FANK1: variants seen among roughly 807,000 people sequenced by gnomAD.
FANK1 encodes the protein fibronectin type 3 and ankyrin repeat domains protein 1.
In FANK1, 44 loss-of-function variants were observed where a neutral mutation model predicts 45.3. That is an observed-to-expected ratio of 0.97 (90% confidence interval 0.76 to 1.25). The LOEUF is 1.25. FANK1 is among the 50% of genes most tolerant of loss of function. FANK1 has a pLI of 0.00. For synonymous variants in FANK1, 149 were observed against 152.5 expected (o/e 0.98, Z 0.17); for missense variants, 391 against 424.4 (o/e 0.92, Z 0.69).
chr10:125,899,097 G>A (rs202221252), intron 1 of FANK1, among the ~76,000 whole-genome samples: 1 of 136,184 alleles, frequency 7.3e-6, no homozygotes, highest in African/African-American at 2.8e-5. Flanking sequence ...TTTCGCTGTT[G>A]TTGCCCAAGC....
At chr10:125,941,661 G>A (rs944496295) in intron 1 of FANK1, among the ~76,000 whole-genome samples, 4 of 152,164 alleles carry the variant, frequency 2.6e-5, no homozygotes, top group South Asian at 4.1e-4. Flanking sequence ...ATTGTGAGGA[G>A]CCTGAGTACA....
intron 1 of FANK1, among the ~76,000 whole-genome samples, chr10:125,975,346 C>T (rs1313639664): frequency 6.6e-6 from 1 of 152,144 alleles, no homozygotes; most frequent in Non-Finnish European, 1.5e-5. Flanking sequence ...GTTTATATTC[C>T]TCTGGGTATA....
At chr10:125,912,569 G>C (rs4375364) in intron 1 of FANK1, among the ~76,000 whole-genome samples, 336 of 149,228 alleles carry the variant, frequency 2.3e-3, no homozygotes, top group Non-Finnish European at 4.0e-3. Context: ...TAAATATCCT[G>C]GTTAATAATT....
At chr10:125,971,613 A>G (rs1425121750) in intron 1 of FANK1, among the ~76,000 whole-genome samples, 4 of 151,876 alleles carry the variant, frequency 2.6e-5, no homozygotes, top group Admixed American at 6.6e-5. Context: ...CTAATAGTAG[A>G]TTTTTCACCC....
At position 125,994,408 on chromosome 10, in the gene FANK1, G is replaced by C. The variant is rs1486778221; in HGVS notation, c.317-1009G>C. On this transcript the variant is annotated intron_variant, in intron 3 of 10. Coordinates refer to ENST00000368693, the MANE Select transcript of FANK1 (RefSeq NM_145235.5). ...TTGAATGAATAAATGAGACCTTTGAGGTTTTTTTAGACCAGGGATTATAAA... is the reference window on the plus strand; with the variant it reads ...TTGAATGAATAAATGAGACCTTTGACGTTTTTTTAGACCAGGGATTATAAA... 5 of 985,192 alleles carry C rather than the reference G, an allele frequency of 5.1e-6. No homozygotes were observed. The East Asian group carries it at 4.5e-4, about 90-fold the overall frequency. The allele number at this position is 985,192 out of a possible 1,614,324, so 61.0% of individuals were successfully genotyped here. A position where few individuals can be genotyped will look rare whatever the true frequency, so the allele number is the denominator to read the frequency against.
chr10:125,903,845 GTTTGT>G (rs1412681314), intron 1 of FANK1, among the ~76,000 whole-genome samples: 5 of 151,118 alleles, frequency 3.3e-5, no homozygotes, highest in Non-Finnish European at 4.4e-5. Flanking sequence ...TTGTTTGTTT[GTTTGT>G]TTTGTTTTGT....
rs116504753 is a variant in FANK1 at position 125,990,228 on chromosome 10, C to T, written c.316+1553C>T. The stretch of plus-strand genomic sequence containing the variant: ...ACATTGCGGGCTCCGAAAGGATGGA[C>T]GATGGGTTGGCCATCTGTAGCTTGT... On this transcript the variant is annotated intron_variant, in intron 3 of 10. Coordinates refer to ENST00000368693, the MANE Select transcript of FANK1 (RefSeq NM_145235.5). Among the ~76,000 whole-genome samples, 672 of 152,282 alleles carry T rather than the reference C, an allele frequency of 4.4e-3. 7 individuals carry two copies. Among genetic ancestry groups the T allele is most frequent in the African/African-American group, 0.015 (622 of 41,556 alleles).
At chr10:125,917,570 G>A (rs992353968) in intron 1 of FANK1, among the ~76,000 whole-genome samples, 1 of 152,086 alleles carries the variant, frequency 6.6e-6, no homozygotes, top group African/African-American at 2.4e-5. Context: ...TCCTTACAAA[G>A]GTTCCTAGTT....
chr10:125,980,141 G>C lies in FANK1; in HGVS notation c.14-20G>C. 1 of 1,603,896 alleles carries C rather than the reference G, an allele frequency of 6.2e-7. No homozygotes were observed. Among genetic ancestry groups the C allele is most frequent in the Non-Finnish European group, 8.5e-7 (1 of 1,176,040 alleles). ...TTATGGAAACTGGGTCCTGAAGTTC[G>C]GTGTCATTCTTTTTTTTAGAAATCA... On this transcript the variant is annotated intron_variant, in intron 1 of 10. Transcript: ENST00000368693.
intron 1 of FANK1, among the ~76,000 whole-genome samples, chr10:125,954,435 G>T (rs909824144): frequency 2.6e-5 from 4 of 152,144 alleles, no homozygotes; most frequent in African/African-American, 7.2e-5. Context: ...CATCATCAGT[G>T]CTCAGTTAAA....
intron 1 of FANK1, among the ~76,000 whole-genome samples, chr10:125,976,458 G>A (rs1950859445): frequency 6.6e-6 from 1 of 152,140 alleles, no homozygotes; most frequent in African/African-American, 2.4e-5. Flanking sequence ...GTGATTTGTA[G>A]ATTTGGCCTC....
chr10:125,983,334 C>T lies in FANK1; in HGVS notation c.191+2996C>T, dbSNP rs1000994421. ...CCACGCATTCCATTTATTCCATCAG[C>T]GTGTATTATTGAGTGTCTGCCGTGT... On this transcript the variant is annotated intron_variant, in intron 2 of 10. Coordinates refer to ENST00000368693, the MANE Select transcript of FANK1 (RefSeq NM_145235.5). The surrounding 1 kb of genome is among the most constrained non-coding windows in gnomAD (Gnocchi z 4.3). 2.0e-5 allele frequency among the ~76,000 whole-genome samples: 3 copies of T among 152,058 alleles called. No homozygotes were observed. The highest frequency in any genetic ancestry group is 4.8e-5 in the African/African-American group (2 of 41,370).
chr10:125,905,098 TCC>T (rs1484831607), intron 1 of FANK1, among the ~76,000 whole-genome samples: 1 of 121,578 alleles, frequency 8.2e-6, no homozygotes, highest in Non-Finnish European at 1.6e-5. Flanking sequence ...GCCACTGCAC[TCC>T]AGCCCAGGTG....
At chr10:125,912,792 C>CT (rs1946132317) in intron 1 of FANK1, among the ~76,000 whole-genome samples, 1 of 152,190 alleles carries the variant, frequency 6.6e-6, no homozygotes, top group Non-Finnish European at 1.5e-5. Flanking sequence ...TGCCCACCAC[C>CT]ATGCCCAGCT....
intron 1 of FANK1, among the ~76,000 whole-genome samples, chr10:125,922,758 TCTCA>T (rs1947035449): frequency 6.6e-6 from 1 of 152,182 alleles, no homozygotes; most frequent in Admixed American, 6.5e-5. Context: ...CAGGCCATCC[TCTCA>T]CTCGGGCCTC....
At chr10:125,954,624 A>T (rs1340269028) in intron 1 of FANK1, among the ~76,000 whole-genome samples, 1 of 152,206 alleles carries the variant, frequency 6.6e-6, no homozygotes, top group Non-Finnish European at 1.5e-5. Flanking sequence ...TCATTTTAAA[A>T]AAATAGAGAA....
intron 3 of FANK1, among the ~76,000 whole-genome samples, chr10:125,991,421 G>C (rs11598195): frequency 0.37 from 55,647 of 151,982 alleles, 10,529 homozygotes; most frequent in East Asian, 0.56. Flanking sequence ...GCAGGCTCTT[G>C]GCTCTGTGGG....
chr10:126,000,084 A>T (rs187514315), intron 6 of FANK1, among the ~76,000 whole-genome samples: 15 of 150,904 alleles, frequency 9.9e-5, no homozygotes, highest in East Asian at 1.9e-4. Context: ...AATCTGAATT[A>T]AAAAAAACCC....
chr10:125,938,757 C>G (rs916101557), intron 1 of FANK1, among the ~76,000 whole-genome samples: 1 of 152,016 alleles, frequency 6.6e-6, no homozygotes, highest in Non-Finnish European at 1.5e-5. Context: ...TGCAGTGAGC[C>G]GAGATTGCAC....
Sources: gnomAD v4.1 joint callset for allele counts (sites outside exome capture counted in the v4.1 genomes callset) on GRCh38, gnomAD v4.1.1 for gene constraint, Gnocchi (gnomAD v3.1) non-coding constraint, MANE v1.5 for transcripts, NCBI Gene and HGNC (gene_info 2026-07-23, HGNC 2026-07-21) for gene names.